The following MAN1A1 variants were observed in gnomAD, a reference collection of about 807,000 sequenced individuals.
MAN1A1 encodes the protein mannosidase alpha class 1A member 1.
Under a neutral mutation model 70.8 loss-of-function variants are expected in MAN1A1, and 29 were observed. The ratio of observed to expected loss-of-function variants is 0.41; its 90% CI spans 0.31 to 0.56. The LOEUF is 0.56. MAN1A1 is among the 20% of genes least tolerant of loss of function. The probability of loss-of-function intolerance (pLI) is 0.29; values close to 1 mark genes in which losing one functional copy is unlikely to be tolerated. For missense variants in MAN1A1, 747 were observed against 841.3 expected, an observed-to-expected ratio of 0.89 and a Z score of 1.39; for synonymous variants, 349 against 330.1, an observed-to-expected ratio of 1.06 and a Z score of -0.62.
chr6:119,311,234 ATGTC>A (rs1307631840), intron 2 of MAN1A1, among the ~76,000 whole-genome samples: 1 of 152,216 alleles, frequency 6.6e-6, no homozygotes, highest in Non-Finnish European at 1.5e-5. Context: ...AAACCTAAGA[ATGTC>A]TGTGATCTTT....
chr6:119,289,190 T>C (rs901513602), intron 5 of MAN1A1, among the ~76,000 whole-genome samples: 1 of 151,906 alleles, frequency 6.6e-6, no homozygotes, highest in African/African-American at 2.4e-5. Flanking sequence ...TAGATACATA[T>C]GTGTTTTTCT....
At chr6:119,312,531 C>G (rs945869594) in intron 2 of MAN1A1, among the ~76,000 whole-genome samples, 1 of 152,116 alleles carries the variant, frequency 6.6e-6, no homozygotes, top group African/African-American at 2.4e-5. Context: ...AATCTAACCA[C>G]CCCTTCCACC....
At chr6:119,182,192 T>G (rs1278637486) in intron 11 of MAN1A1, among the ~76,000 whole-genome samples, 1 of 152,242 alleles carries the variant, frequency 6.6e-6, no homozygotes. Context: ...AAATGTCTCT[T>G]CAGGTCCTTT....
intron 5 of MAN1A1, among the ~76,000 whole-genome samples, chr6:119,279,290 C>G (rs1319106634): frequency 2.0e-5 from 3 of 152,268 alleles, no homozygotes; most frequent in African/African-American, 7.2e-5. Context: ...TTTCCTACTG[C>G]CTTATATTCA....
At chr6:119,323,380 C>T (rs1274505427) in intron 2 of MAN1A1, among the ~76,000 whole-genome samples, 1 of 152,142 alleles carries the variant, frequency 6.6e-6, no homozygotes, top group East Asian at 1.9e-4. Context: ...TTGTTAAATA[C>T]CATGAGACAA....
chr6:119,190,749 T>C (rs1340308186), intron 9 of MAN1A1, among the ~76,000 whole-genome samples: 1 of 152,214 alleles, frequency 6.6e-6, no homozygotes, highest in Non-Finnish European at 1.5e-5. Context: ...TAAAACATCT[T>C]TTATTTCTAT....
intron 2 of MAN1A1, among the ~76,000 whole-genome samples, chr6:119,309,441 C>G (rs564709190): frequency 6.6e-6 from 1 of 152,214 alleles, no homozygotes; most frequent in Admixed American, 6.5e-5. Flanking sequence ...CATTTAATTT[C>G]TCTAGACCCA....
intron 2 of MAN1A1, among the ~76,000 whole-genome samples, chr6:119,320,084 C>T (rs886372069): frequency 2.0e-5 from 3 of 152,068 alleles, no homozygotes; most frequent in Admixed American, 6.6e-5. Context: ...AGTGATTCTT[C>T]TGCTTCAGCC....
chr6:119,341,527 T>C (rs1175653003), intron 2 of MAN1A1, among the ~76,000 whole-genome samples: 1 of 152,202 alleles, frequency 6.6e-6, no homozygotes, highest in Non-Finnish European at 1.5e-5. Flanking sequence ...ACAGGCCTTA[T>C]TTCTCATGTG....
intron 2 of MAN1A1, among the ~76,000 whole-genome samples, chr6:119,344,464 C>T (rs1359319912): frequency 6.6e-6 from 1 of 152,220 alleles, no homozygotes; most frequent in African/African-American, 2.4e-5. Context: ...GTCCTCCCTG[C>T]TCTGGGGAAG....
In MAN1A1 at chr6:119,201,238, A is replaced by C. The variant is rs376704218; in HGVS notation, c.1210+16T>G. On this transcript the variant is annotated intron_variant, in intron 8 of 12. Transcript: ENST00000368468. ...GTACCAAAAAGAGCTATAATAATGC[A>C]AATCTTCTGACTTACGTTGACCCCA... 1.3e-4 allele frequency: 207 copies of C among 1,578,388 alleles called. 1 individual carries two copies. Among genetic ancestry groups the C allele is most frequent in the Middle Eastern group, 3.3e-4 (2 of 6,016 alleles).
intron 5 of MAN1A1, among the ~76,000 whole-genome samples, chr6:119,283,525 C>T (rs1776275343): frequency 6.6e-6 from 1 of 151,418 alleles, no homozygotes; most frequent in African/African-American, 2.4e-5. Context: ...ATAATAATAT[C>T]GTATGCAGAG....
chr6:119,218,425 T>C (rs1396883075), intron 6 of MAN1A1, among the ~76,000 whole-genome samples: 3 of 152,178 alleles, frequency 2.0e-5, no homozygotes, highest in Admixed American at 1.3e-4. Context: ...ATAAATATTT[T>C]TGTTTTTCAC....
At chr6:119,210,131 C>CG (rs1403105426) in intron 6 of MAN1A1, among the ~76,000 whole-genome samples, 1 of 152,080 alleles carries the variant, frequency 6.6e-6, no homozygotes, top group African/African-American at 2.4e-5. Context: ...TTGGGCTGTG[C>CG]GGGAAGACGG....
In MAN1A1 at chr6:119,349,682, G is replaced by A; in HGVS notation, c.-363C>T. 3 of 985,888 alleles carry A rather than the reference G, an allele frequency of 3.0e-6. No homozygotes were observed. Among genetic ancestry groups the A allele is most frequent in the Non-Finnish European group, 3.6e-6 (3 of 830,040 alleles). The allele number at this position is 985,888 out of a possible 1,614,324, so 61.1% of individuals were successfully genotyped here. On this transcript the variant is annotated 5_prime_UTR_variant, in exon 1 of 13. Transcript: ENST00000368468. Reference sequence around the variant, plus strand: ...GTCCCGCAGCCCCGGCGCGGCTCAGGTGGGCGAGCGCGCCGACCTGCGGGC... The same window carrying A: ...GTCCCGCAGCCCCGGCGCGGCTCAGATGGGCGAGCGCGCCGACCTGCGGGC...
intron 8 of MAN1A1, among the ~76,000 whole-genome samples, chr6:119,199,319 C>T (rs1188852100): frequency 6.6e-6 from 1 of 152,172 alleles, no homozygotes; most frequent in East Asian, 1.9e-4. Flanking sequence ...ACTACCTAGC[C>T]TAAATAATCA....
At chr6:119,308,420 G>C (rs1486079357) in intron 2 of MAN1A1, among the ~76,000 whole-genome samples, 2 of 152,120 alleles carry the variant, frequency 1.3e-5, no homozygotes, top group Non-Finnish European at 2.9e-5. Flanking sequence ...AAGTAAAACA[G>C]ATTTGAGGGT....
intron 6 of MAN1A1, among the ~76,000 whole-genome samples, chr6:119,214,262 C>T (rs1774135647): frequency 6.6e-6 from 1 of 152,032 alleles, no homozygotes; most frequent in Admixed American, 6.5e-5. Context: ...CTGTGCCCAG[C>T]CCTAAAAACC....
At chr6:119,300,428 G>C (rs1772358837) in intron 4 of MAN1A1, among the ~76,000 whole-genome samples, 1 of 151,708 alleles carries the variant, frequency 6.6e-6, no homozygotes, top group South Asian at 2.1e-4. Context: ...GCTATTTTTT[G>C]TATTTTTAGT....
Sources: allele counts gnomAD v4.1 joint callset (sites outside exome capture counted in the v4.1 genomes callset), GRCh38; gene constraint gnomAD v4.1.1; transcripts MANE v1.5; gene names NCBI Gene and HGNC (gene_info 2026-07-23, HGNC 2026-07-21).